Variants in PSMB7 observed in about 807,000 individuals in gnomAD.
PSMB7 encodes proteasome subunit beta type-7.
In PSMB7, 5 loss-of-function variants were observed where a neutral mutation model predicts 28.1. That is an observed-to-expected ratio of 0.18 (90% confidence interval 0.09 to 0.37). The LOEUF is 0.37. Ranked by LOEUF, PSMB7 falls within the 10% of genes least tolerant of loss-of-function variation. The probability of loss-of-function intolerance (pLI) is 1.00; values close to 1 mark genes in which losing one functional copy is unlikely to be tolerated. For synonymous variants in PSMB7, 122 were observed against 123.7 expected, an observed-to-expected ratio of 0.99 and a Z score of 0.09; for missense variants, 275 against 346.2, an observed-to-expected ratio of 0.79 and a Z score of 1.63.
intron 6 of PSMB7, among the ~76,000 whole-genome samples, chr9:124,368,358 C>A (rs1192511786): frequency 2.0e-5 from 3 of 152,200 alleles, no homozygotes; most frequent in African/African-American, 7.2e-5. Flanking sequence ...AAAATTATTT[C>A]ACAGTTGCAA....
At chr9:124,367,802 T>C (rs1418536371) in intron 6 of PSMB7, among the ~76,000 whole-genome samples, 3 of 152,186 alleles carry the variant, frequency 2.0e-5, no homozygotes, top group Non-Finnish European at 2.9e-5. Context: ...CCACGGTGCC[T>C]GCAGTGCAGG....
chr9:124,398,398 C>A, intron 5 of PSMB7: 1 of 250,468 alleles, frequency 4.0e-6, no homozygotes, highest in Non-Finnish European at 8.7e-6. Flanking sequence ...ACTAAGAGAG[C>A]CACAGAGACA....
intron 5 of PSMB7, among the ~76,000 whole-genome samples, chr9:124,401,605 T>C (rs960994717): frequency 2.6e-5 from 4 of 152,236 alleles, no homozygotes; most frequent in Non-Finnish European, 4.4e-5. Context: ...GGTCCCCTCC[T>C]GCCCTCGTCA....
At chr9:124,370,931 ATTC>A (rs1830556440) in intron 6 of PSMB7, among the ~76,000 whole-genome samples, 1 of 152,224 alleles carries the variant, frequency 6.6e-6, no homozygotes, top group South Asian at 2.1e-4. Flanking sequence ...CTTTGCTAAA[ATTC>A]TTCATCATGC....
intron 6 of PSMB7, among the ~76,000 whole-genome samples, chr9:124,359,708 G>A (rs893524463): frequency 1.3e-5 from 2 of 152,162 alleles, no homozygotes; most frequent in Non-Finnish European, 2.9e-5. Context: ...AATTTAAGAG[G>A]AGGAGGATGG....
At chr9:124,390,960 T>C (rs1352795033) in intron 5 of PSMB7, among the ~76,000 whole-genome samples, 1 of 152,180 alleles carries the variant, frequency 6.6e-6, no homozygotes, top group African/African-American at 2.4e-5. Flanking sequence ...AAATACACCA[T>C]GTCTCTCCTG....
At chr9:124,376,053 A>G (rs1228857342) in intron 6 of PSMB7, among the ~76,000 whole-genome samples, 3 of 152,236 alleles carry the variant, frequency 2.0e-5, no homozygotes, top group Non-Finnish European at 4.4e-5. Context: ...TGCAACCTAA[A>G]TAAGACGGAG....
At chr9:124,386,232 C>G (rs1830717283) in intron 5 of PSMB7, among the ~76,000 whole-genome samples, 1 of 150,438 alleles carries the variant, frequency 6.6e-6, no homozygotes, top group Non-Finnish European at 1.5e-5. Flanking sequence ...AGATATAAAA[C>G]TAGTAAACTC....
chr9:124,393,299 C>CGGCGA (rs1830809059), intron 5 of PSMB7, among the ~76,000 whole-genome samples: 1 of 152,166 alleles, frequency 6.6e-6, no homozygotes, highest in Non-Finnish European at 1.5e-5. Flanking sequence ...AAAAGCTTCC[C>CGGCGA]GGCGAGGCAA....
At chr9:124,378,087 T>C (rs1447603703) in intron 6 of PSMB7, among the ~76,000 whole-genome samples, 1 of 152,234 alleles carries the variant, frequency 6.6e-6, no homozygotes, top group Non-Finnish European at 1.5e-5. Flanking sequence ...ATTCTAACTG[T>C]AGGGCACAGC....
chr9:124,376,490 T>C (rs1018845971), intron 6 of PSMB7, among the ~76,000 whole-genome samples: 1 of 152,232 alleles, frequency 6.6e-6, no homozygotes, highest in Admixed American at 6.5e-5. Flanking sequence ...CTTAAACTTT[T>C]CTGTTCCTGG....
Position 124,381,598 on chromosome 9 carries a change from T to C in PSMB7, c.570+3000A>G, listed in dbSNP as rs541697904. Among the ~76,000 whole-genome samples, 24 of 152,330 alleles carry C rather than the reference T, an allele frequency of 1.6e-4. No homozygotes were observed. In the South Asian group the frequency reaches 5.0e-3, roughly 32 times the overall value. On this transcript the variant is annotated intron_variant, in intron 6 of 7. Coordinates refer to ENST00000259457, the MANE Select transcript of PSMB7 (RefSeq NM_002799.4). ...GCAAGAAAAGTTATCCAGGGCTTTT[T>C]GACACAGAAAGAAAGTCTCCCTGGA...
chr9:124,388,154 G>A (rs189384177), intron 5 of PSMB7, among the ~76,000 whole-genome samples: 36 of 152,302 alleles, frequency 2.4e-4, no homozygotes, highest in African/African-American at 6.3e-4. Context: ...ACAAAACCAA[G>A]GCGAAAATCT....
intron 5 of PSMB7, among the ~76,000 whole-genome samples, chr9:124,400,779 C>T (rs1203829612): frequency 1.3e-5 from 2 of 152,084 alleles, no homozygotes; most frequent in African/African-American, 4.8e-5. Context: ...CACCTTAATC[C>T]AGAAATTCCA....
At chr9:124,361,298 T>C (rs1830463712) in intron 6 of PSMB7, among the ~76,000 whole-genome samples, 1 of 152,190 alleles carries the variant, frequency 6.6e-6, no homozygotes, top group Non-Finnish European at 1.5e-5. Flanking sequence ...CATCGCACAA[T>C]GTGTCCCTGG....
chr9:124,358,840 G>A (rs1564674752), intron 6 of PSMB7, among the ~76,000 whole-genome samples: 1 of 152,196 alleles, frequency 6.6e-6, no homozygotes, highest in African/African-American at 2.4e-5. Flanking sequence ...AGCAGTACCT[G>A]GCAGACATCG....
intron 6 of PSMB7, among the ~76,000 whole-genome samples, chr9:124,363,468 A>G (rs1014961903): frequency 6.6e-6 from 1 of 152,248 alleles, no homozygotes; most frequent in African/African-American, 2.4e-5. Flanking sequence ...GTATAGCCAC[A>G]TATTTTACGG....
chr9:124,392,926 C>T (rs527558320), intron 5 of PSMB7, among the ~76,000 whole-genome samples: 1 of 152,196 alleles, frequency 6.6e-6, no homozygotes, highest in Non-Finnish European at 1.5e-5. Flanking sequence ...GAGTCACACA[C>T]AGGACTTTCT....
chr9:124,407,862 C>G (rs960522593), intron 4 of PSMB7, among the ~76,000 whole-genome samples: 1 of 152,112 alleles, frequency 6.6e-6, no homozygotes, highest in Admixed American at 6.5e-5. Flanking sequence ...AAAAATCATG[C>G]TAAGCCGAGT....
Sources: allele counts gnomAD v4.1 joint callset (sites outside exome capture counted in the v4.1 genomes callset), GRCh38; gene constraint gnomAD v4.1.1; transcripts MANE v1.5; gene names NCBI Gene and HGNC (gene_info 2026-07-23, HGNC 2026-07-21).